Variants in GABRB2 observed in about 807,000 individuals in gnomAD.
The protein encoded by GABRB2 is gamma-aminobutyric acid receptor subunit beta-2.
Under a neutral mutation model 54.7 loss-of-function variants are expected in GABRB2, and 16 were observed. That is an observed-to-expected ratio of 0.29 (90% CI 0.20 to 0.44). The LOEUF (loss-of-function observed/expected upper bound fraction) is 0.44, where lower values mean the gene tolerates loss of function less well. Ranked by LOEUF, GABRB2 falls within the 20% of genes least tolerant of loss-of-function variation. The pLI is 1.00. For synonymous variants in GABRB2, 244 were observed against 233.8 expected, an observed-to-expected ratio of 1.04 and a Z score of -0.40; for missense variants, 355 against 644.0, an observed-to-expected ratio of 0.55 and a Z score of 4.86.
At chr5:161,544,450 G>A (rs763131778) in intron 3 of GABRB2, among the ~76,000 whole-genome samples, 42 of 152,160 alleles carry the variant, frequency 2.8e-4, no homozygotes, top group Non-Finnish European at 5.1e-4. Flanking sequence ...TCCAATATGG[G>A]CAGCAGGGGG....
At chr5:161,350,507 A>T (rs1359648415) in intron 5 of GABRB2, among the ~76,000 whole-genome samples, 2 of 152,174 alleles carry the variant, frequency 1.3e-5, no homozygotes, top group Non-Finnish European at 2.9e-5. Flanking sequence ...ACAGAAAGCT[A>T]TAAAACACTC....
intron 5 of GABRB2, among the ~76,000 whole-genome samples, chr5:161,358,475 T>C (rs1754706698): frequency 6.6e-6 from 1 of 152,124 alleles, no homozygotes; most frequent in African/African-American, 2.4e-5. Context: ...TGGGGAAAAT[T>C]AATTTTTTTG....
intron 3 of GABRB2, among the ~76,000 whole-genome samples, chr5:161,504,723 G>A (rs72813596): frequency 0.22 from 30,696 of 140,648 alleles, 3,587 homozygotes; most frequent in Non-Finnish European, 0.28. Context: ...ATGAAAAACA[G>A]TTAAGTAAAT....
Position 161,333,918 on chromosome 5 carries a change from T to G in GABRB2, c.832+834A>C, listed in dbSNP as rs1015743946. ...TATAGATTTACCACATTGTATAATT[T>G]ATGTGGTTATTAAATTTATTGTATA... On this transcript the variant is annotated intron_variant, in intron 7 of 9. Coordinates refer to ENST00000393959, the MANE Select transcript of GABRB2 (RefSeq NM_001371727.1). Among the ~76,000 whole-genome samples, 3 of 152,346 alleles carry G rather than the reference T, an allele frequency of 2.0e-5. No individual in the cohort carries two copies. The East Asian group carries it at 5.8e-4, about 29-fold the overall frequency.
At chr5:161,406,830 C>G (rs1213093191) in intron 5 of GABRB2, among the ~76,000 whole-genome samples, 1 of 151,992 alleles carries the variant, frequency 6.6e-6, no homozygotes, top group East Asian at 1.9e-4. Context: ...GACTGTCTGT[C>G]TCAGTAAACA....
At chr5:161,328,478 G>C (rs1174593263) in intron 8 of GABRB2, among the ~76,000 whole-genome samples, 1 of 152,058 alleles carries the variant, frequency 6.6e-6, no homozygotes, top group Non-Finnish European at 1.5e-5. Flanking sequence ...TCACAGATGA[G>C]AAAACTAAAG....
At chr5:161,457,531 C>T (rs894582582) in intron 4 of GABRB2, among the ~76,000 whole-genome samples, 81 of 151,308 alleles carry the variant, frequency 5.4e-4, no homozygotes, top group South Asian at 1.3e-3. Flanking sequence ...CTACAAGCTC[C>T]GCCTCCCAGG....
chr5:161,515,473 T>G (rs1018538217), intron 3 of GABRB2, among the ~76,000 whole-genome samples: 1 of 152,264 alleles, frequency 6.6e-6, no homozygotes, highest in African/African-American at 2.4e-5. Flanking sequence ...TTTTCTGTTT[T>G]TATTTTTCCT....
chr5:161,457,530 C>T (rs941971579), intron 4 of GABRB2, among the ~76,000 whole-genome samples: 1 of 151,078 alleles, frequency 6.6e-6, no homozygotes, highest in African/African-American at 2.4e-5. Context: ...ACTACAAGCT[C>T]CGCCTCCCAG....
intron 9 of GABRB2, among the ~76,000 whole-genome samples, chr5:161,313,063 C>A (rs1757921027): frequency 6.6e-6 from 1 of 152,184 alleles, no homozygotes; most frequent in Non-Finnish European, 1.5e-5. Flanking sequence ...TTTCTCAGAT[C>A]AGCTTTGTTG....
chr5:161,401,846 T>C (rs1041061432), intron 5 of GABRB2, among the ~76,000 whole-genome samples: 1 of 152,274 alleles, frequency 6.6e-6, no homozygotes, highest in Admixed American at 6.5e-5. Flanking sequence ...CTTCTATGCA[T>C]TCATCTTATA....
chr5:161,446,352 TTTA>T (rs1757614524), intron 4 of GABRB2, among the ~76,000 whole-genome samples: 1 of 151,914 alleles, frequency 6.6e-6, no homozygotes, highest in Admixed American at 6.6e-5. Context: ...TAAATTAGAG[TTTA>T]TTATTATTTT....
At chr5:161,438,215 T>A (rs1268564574) in intron 4 of GABRB2, among the ~76,000 whole-genome samples, 1 of 152,192 alleles carries the variant, frequency 6.6e-6, no homozygotes, top group Non-Finnish European at 1.5e-5. Flanking sequence ...AGACTTTGTA[T>A]GTTTGGGAGA....
At chr5:161,328,212 A>G (rs1758425328) in intron 8 of GABRB2, among the ~76,000 whole-genome samples, 1 of 152,218 alleles carries the variant, frequency 6.6e-6, no homozygotes, top group Admixed American at 6.5e-5. Context: ...TCTAAACAAT[A>G]CACTGCTTTA....
intron 5 of GABRB2, among the ~76,000 whole-genome samples, chr5:161,393,120 T>C (rs1388616354): frequency 1.3e-5 from 2 of 151,116 alleles, no homozygotes; most frequent in Non-Finnish European, 2.9e-5. Flanking sequence ...AGGTATCTGG[T>C]TGAAAATTTG....
intron 5 of GABRB2, among the ~76,000 whole-genome samples, chr5:161,356,764 C>A (rs1486815430): frequency 1.3e-5 from 2 of 152,114 alleles, no homozygotes; most frequent in African/African-American, 4.8e-5. Context: ...GAAAGAAACA[C>A]AGAGAGGCAC....
intron 3 of GABRB2, among the ~76,000 whole-genome samples, chr5:161,478,182 G>A (rs2964775): frequency 7.2e-4 from 109 of 151,758 alleles, no homozygotes; most frequent in African/African-American, 2.5e-3. Flanking sequence ...CAGAGAGATC[G>A]GTTTGTTCAA....
At chr5:161,343,414 T>C (rs1754230378) in intron 5 of GABRB2, among the ~76,000 whole-genome samples, 1 of 152,000 alleles carries the variant, frequency 6.6e-6, no homozygotes. Context: ...AATCTTACGA[T>C]GTAGGAGAAT....
intron 5 of GABRB2, among the ~76,000 whole-genome samples, chr5:161,384,582 T>C (rs1755567761): frequency 6.6e-6 from 1 of 152,212 alleles, no homozygotes; most frequent in Admixed American, 6.5e-5. Context: ...TATAAGTTCT[T>C]GGTTTTAATA....
Sources: allele counts gnomAD v4.1 joint callset (sites outside exome capture counted in the v4.1 genomes callset), GRCh38; gene constraint gnomAD v4.1.1; transcripts MANE v1.5; gene names NCBI Gene and HGNC (gene_info 2026-07-23, HGNC 2026-07-21).